Variants in PCDH15 observed in about 807,000 individuals in gnomAD.
PCDH15 encodes protocadherin-15.
Under a neutral mutation model 178.5 loss-of-function variants are expected in PCDH15, and 129 were observed. The observed-to-expected ratio is 0.72, with a 90% confidence interval of 0.63 to 0.84. The LOEUF is 0.84. Among genes scored for constraint, PCDH15 ranks in the 40% least tolerant of loss-of-function variants. PCDH15 has a pLI of 0.00. For missense variants in PCDH15, 2,230 were observed against 2,099.9 expected, an observed-to-expected ratio of 1.06 and a Z score of -1.21; for synonymous variants, 800 against 732.0, an observed-to-expected ratio of 1.09 and a Z score of -1.50.
At chr10:54,346,529 C>A in intron 5 of PCDH15, 45 bp from the exon 6 acceptor site, 1 of 1,606,116 alleles carries the variant, frequency 6.2e-7, no homozygotes, top group Non-Finnish European at 8.5e-7. Context: ...ATTTTATCAA[C>A]TGCACACCAG....
intron 1 of PCDH15, among the ~76,000 whole-genome samples, chr10:54,678,335 C>G (rs892668222): frequency 2.6e-5 from 4 of 152,026 alleles, no homozygotes; most frequent in African/African-American, 9.7e-5. Flanking sequence ...TAAAATGATA[C>G]CAGATTCCCA....
intron 2 of PCDH15, among the ~76,000 whole-genome samples, chr10:55,534,849 G>T (rs551409676): frequency 5.3e-5 from 8 of 152,102 alleles, no homozygotes; most frequent in African/African-American, 1.9e-4. Context: ...TAAAGAAAAT[G>T]TGTTACATAT....
intron 2 of PCDH15, among the ~76,000 whole-genome samples, chr10:55,126,371 C>G (rs1228635226): frequency 6.6e-6 from 1 of 152,108 alleles, no homozygotes; most frequent in Non-Finnish European, 1.5e-5. Flanking sequence ...TGTGAACTTT[C>G]CTTTAAGATT....
intron 1 of PCDH15, among the ~76,000 whole-genome samples, chr10:55,202,036 T>C (rs1840265311): frequency 6.6e-6 from 1 of 152,112 alleles, no homozygotes; most frequent in Admixed American, 6.5e-5. Context: ...CTAGAGATTT[T>C]AACCAACCAT....
intron 3 of PCDH15, among the ~76,000 whole-genome samples, chr10:54,812,471 G>GT (rs1000335359): frequency 3.3e-5 from 5 of 151,412 alleles, no homozygotes; most frequent in African/African-American, 7.3e-5. Flanking sequence ...GTTTTGTTTT[G>GT]TTTTTTGAGA....
intron 2 of PCDH15, among the ~76,000 whole-genome samples, chr10:55,165,170 C>T (rs892303189): frequency 9.2e-5 from 14 of 151,896 alleles, no homozygotes; most frequent in African/African-American, 2.9e-4. Context: ...TTCAAGTATT[C>T]GTTTCATGAT....
At chr10:54,895,775 G>T (rs78738717) in intron 3 of PCDH15, among the ~76,000 whole-genome samples, 257 of 152,198 alleles carry the variant, frequency 1.7e-3, no homozygotes, top group African/African-American at 5.6e-3. Flanking sequence ...TCACTAAAAA[G>T]AACAAGCTGA....
chr10:55,354,872 G>GA (rs1207926256), intron 2 of PCDH15, among the ~76,000 whole-genome samples: 2 of 152,058 alleles, frequency 1.3e-5, no homozygotes, highest in East Asian at 1.9e-4. Flanking sequence ...TTCTATCACG[G>GA]AAAAAATCAC....
At chr10:54,500,502 G>A (rs940275212) in intron 3 of PCDH15, among the ~76,000 whole-genome samples, 4 of 152,060 alleles carry the variant, frequency 2.6e-5, no homozygotes, top group African/African-American at 9.7e-5. Context: ...CTGTCACTTA[G>A]GAGAGGACAG....
intron 3 of PCDH15, among the ~76,000 whole-genome samples, chr10:54,476,116 T>C (rs2136806056): frequency 6.6e-6 from 1 of 151,422 alleles, no homozygotes; most frequent in South Asian, 2.1e-4. Flanking sequence ...TCATAATAAG[T>C]TACATGGTCT....
chr10:55,217,537 T>C (rs1045943990), intron 1 of PCDH15, among the ~76,000 whole-genome samples: 2 of 151,910 alleles, frequency 1.3e-5, no homozygotes, highest in African/African-American at 4.8e-5. Context: ...AGCTCAAGGA[T>C]CTGACATGCT....
intron 1 of PCDH15, among the ~76,000 whole-genome samples, chr10:55,307,817 CCTA>C (rs1276331864): frequency 2.0e-4 from 30 of 151,866 alleles, no homozygotes; most frequent in South Asian, 6.3e-4. Flanking sequence ...AGATGCCTAT[CCTA>C]CTAATTATTT....
At chr10:54,096,145 T>C (rs1382460048) in intron 15 of PCDH15, among the ~76,000 whole-genome samples, 1 of 152,046 alleles carries the variant, frequency 6.6e-6, no homozygotes, top group Non-Finnish European at 1.5e-5. Context: ...TCTATGCCTT[T>C]TGAAACTCAT....
At chr10:54,180,919 C>A (rs1437103801) in intron 13 of PCDH15, among the ~76,000 whole-genome samples, 1 of 152,064 alleles carries the variant, frequency 6.6e-6, no homozygotes, top group Non-Finnish European at 1.5e-5. Context: ...ATCTGTTTTA[C>A]AAAGAGATAC....
intron 21 of PCDH15, among the ~76,000 whole-genome samples, chr10:53,974,635 A>G (rs2090040303): frequency 6.6e-6 from 1 of 152,108 alleles, no homozygotes; most frequent in Admixed American, 6.5e-5. Context: ...CACTCTTTAT[A>G]TGGGTTATAG....
chr10:54,505,981 A>G (rs1055931291), intron 3 of PCDH15, among the ~76,000 whole-genome samples: 1 of 152,160 alleles, frequency 6.6e-6, no homozygotes, highest in African/African-American at 2.4e-5. Flanking sequence ...ACAATTACTT[A>G]AAAAGAAAAT....
At position 54,318,978 on chromosome 10, in the gene PCDH15, T is replaced by C. The variant is rs190940251; in HGVS notation, c.706-1537A>G. Among the ~76,000 whole-genome samples, 255 of 152,292 alleles carry C rather than the reference T, an allele frequency of 1.7e-3. 1 individual carries two copies. Among genetic ancestry groups the C allele is most frequent in the African/African-American group, 6.0e-3 (248 of 41,578 alleles). Reference sequence around the variant, plus strand: ...ACACTTAAAGAATGGGTAGTAATTTTATTAGAAATGTAAATTGTTTATATT... The same window carrying C: ...ACACTTAAAGAATGGGTAGTAATTTCATTAGAAATGTAAATTGTTTATATT... On this transcript the variant is annotated intron_variant, in intron 7 of 37. Coordinates refer to ENST00000644397, the MANE Select transcript of PCDH15 (RefSeq NM_001384140.1).
chr10:54,553,424 G>A (rs548175649), intron 2 of PCDH15, among the ~76,000 whole-genome samples: 1 of 152,180 alleles, frequency 6.6e-6, no homozygotes, highest in South Asian at 2.1e-4. Context: ...ATGGGAAATA[G>A]AATCTATTTT....
chr10:55,569,627 A>G (rs1166447229), intron 2 of PCDH15, among the ~76,000 whole-genome samples: 2 of 151,972 alleles, frequency 1.3e-5, no homozygotes, highest in Non-Finnish European at 1.5e-5. Flanking sequence ...CATGATGAGA[A>G]TATCTTCAGA....
Sources: gnomAD v4.1 joint callset for allele counts (sites outside exome capture counted in the v4.1 genomes callset) on GRCh38, gnomAD v4.1.1 for gene constraint, MANE v1.5 for transcripts, NCBI Gene and HGNC (gene_info 2026-07-23, HGNC 2026-07-21) for gene names.